SLC4A1: variants seen among roughly 807,000 people sequenced by gnomAD.
SLC4A1 encodes the protein band 3 anion transport protein.
SLC4A1 carries 29 observed loss-of-function variants against 93.1 expected under a neutral mutation model. The ratio of observed to expected loss-of-function variants is 0.31; its 90% CI spans 0.23 to 0.42. The LOEUF is 0.42. SLC4A1 is among the 20% of genes least tolerant of loss of function. SLC4A1 has a pLI of 1.00. For missense variants in SLC4A1, 965 were observed against 1,190.1 expected (o/e 0.81, Z 2.78); for synonymous variants, 469 against 497.2 (o/e 0.94, Z 0.76).
Position 44,262,869 on chromosome 17 carries a change from C to A in SLC4A1, c.-3G>T, listed in dbSNP as rs372104017. 2 of 1,614,150 alleles carry A rather than the reference C, an allele frequency of 1.2e-6. No individual in the cohort carries two copies. The highest frequency in any genetic ancestry group is 8.5e-7 in the Non-Finnish European group (1 of 1,180,018). On this transcript the variant is annotated 5_prime_UTR_variant, in exon 2 of 20. Coordinates refer to ENST00000262418, the MANE Select transcript of SLC4A1 (RefSeq NM_000342.4). Reference sequence around the variant, plus strand: ...ACACCCACCTGCAGCTCCTCCATGGCGTGGTCCTGAGTGTCCAGTTGTCTA... The same window carrying A: ...ACACCCACCTGCAGCTCCTCCATGGAGTGGTCCTGAGTGTCCAGTTGTCTA...
chr17:44,265,947 T>A (rs1427842178), intron 1 of SLC4A1, among the ~76,000 whole-genome samples: 4 of 146,176 alleles, frequency 2.7e-5, no homozygotes, highest in Admixed American at 1.4e-4. Flanking sequence ...GCCACTGCAC[T>A]CCAGCCTGGG....
Position 44,255,747 on chromosome 17 carries a change from C to T in SLC4A1, c.1726G>A (p.Val576Met), listed in dbSNP as rs1406322619. 5.0e-6 allele frequency: 8 copies of T among 1,613,954 alleles called. No homozygotes were observed. Among genetic ancestry groups the T allele is most frequent in the Non-Finnish European group, 6.8e-6 (8 of 1,180,030 alleles). The change falls in exon 14 of 20, where the codon GTG becomes ATG. Residue 576 changes from valine (V) to methionine (M), a missense_variant. By Grantham distance (21) the Val-to-Met change is conservative. Transcript: ENST00000262418. The stretch of plus-strand genomic sequence containing the variant: ...AAGAAGAAGGTACCGGCCATGAGCA[C>T]AAGGGAGAGGAGGGCTGTGTTGGGC... ...PLPNTALLSL[V>M]LMAGTFFFAM...
chr17:44,262,959 T>C (rs1056358539), intron 1 of SLC4A1, 25 bp from the exon 2 acceptor site: 7 of 1,604,026 alleles, frequency 4.4e-6, no homozygotes, highest in Non-Finnish European at 6.0e-6. Context: ...ACAGGCTGAG[T>C]GGGGCACAGG....
rs150542567 is a variant in SLC4A1 at position 44,267,743 on chromosome 17, A to C, written c.-69+311T>G. On this transcript the variant is annotated intron_variant, in intron 1 of 19. Coordinates refer to ENST00000262418, the MANE Select transcript of SLC4A1 (RefSeq NM_000342.4). ...AGGAGTCTGGGGTGGACAAGACCTG[A>C]CCCTGTGGGATCCAACAAGCTGACA... 1.4e-4 allele frequency among the ~76,000 whole-genome samples: 21 copies of C among 152,086 alleles called. No individual in the cohort carries two copies. The East Asian group carries it at 4.1e-3, about 29-fold the overall frequency.
intron 11 of SLC4A1, 76 bp from the exon 12 acceptor site, chr17:44,257,883 C>CT: frequency 4.4e-6 from 7 of 1,608,204 alleles, no homozygotes; most frequent in Non-Finnish European, 6.0e-6. Flanking sequence ...CATGGTCAGG[C>CT]TGATGCAGGG....
rs962883678 is a variant in SLC4A1, at chr17:44,249,573, AT to A, written c.*884del. On this transcript the variant is annotated 3_prime_UTR_variant, in exon 20 of 20. Coordinates refer to ENST00000262418, the MANE Select transcript of SLC4A1 (RefSeq NM_000342.4). ...GTCTCAGTCCCCTCGGAGTCCACTG[AT>A]TCCGGGGCCCTCAGTAAATGTTTGT... 8 of 177,572 alleles carry A rather than the reference AT, an allele frequency of 4.5e-5. No individual in the cohort carries two copies. Among genetic ancestry groups the A allele is most frequent in the Admixed American group, 4.3e-4 (7 of 16,280 alleles). 11.0% of individuals were successfully genotyped at this position (177,572 alleles called of 1,614,324 possible). A position where few individuals can be genotyped will look rare whatever the true frequency, so the allele number is the denominator to read the frequency against.
intron 15 of SLC4A1, 36 bp downstream of exon 15, chr17:44,255,171 G>T: frequency 7.0e-7 from 1 of 1,429,936 alleles, no homozygotes; most frequent in South Asian, 1.2e-5. Context: ...AGGACCTGGG[G>T]GGTATCATGG....
intron 9 of SLC4A1, 109 bp downstream of exon 9, chr17:44,259,054 G>T: frequency 8.7e-7 from 1 of 1,149,754 alleles, no homozygotes; most frequent in Non-Finnish European, 1.3e-6. Flanking sequence ...TAGGCTGAAT[G>T]GGTCAAACCA....
intron 3 of SLC4A1, chr17:44,261,985 C>T: frequency 8.3e-7 from 1 of 1,210,634 alleles, no homozygotes; most frequent in Non-Finnish European, 1.0e-6. Flanking sequence ...CCTCCTCCCT[C>T]CCCTGCCACC....
rs1252451973 is a variant in SLC4A1 at position 44,254,486 on chromosome 17, T to C, written c.2057+10A>G. On this transcript the variant is annotated intron_variant, in intron 16 of 19. Transcript: ENST00000262418. ...ACCCTCCCAGGCCCAGCCCCCACCCTGTCTCTCACGTGGTGATCTGAGACT... is the reference window on the plus strand; with the variant it reads ...ACCCTCCCAGGCCCAGCCCCCACCCCGTCTCTCACGTGGTGATCTGAGACT... 2.8e-6 allele frequency: 2 copies of C among 722,126 alleles called. No individual in the cohort carries two copies. The highest frequency in any genetic ancestry group is 4.7e-6 in the Non-Finnish European group (2 of 423,788). The allele number at this position is 722,126 out of a possible 1,614,324, so 44.7% of individuals were successfully genotyped here.
At chr17:44,264,189 G>A (rs780680749) in intron 1 of SLC4A1, among the ~76,000 whole-genome samples, 2 of 152,142 alleles carry the variant, frequency 1.3e-5, no homozygotes, top group Non-Finnish European at 2.9e-5. Context: ...GTTGGGCGTG[G>A]TGGCTCACAC....
intron 9 of SLC4A1, 62 bp downstream of exon 9, chr17:44,259,101 G>A (rs910068896): frequency 1.3e-6 from 2 of 1,551,768 alleles, no homozygotes; most frequent in Admixed American, 1.7e-5. Context: ...TTGGAGAGCA[G>A]GCCTCAGCCA....
Position 44,258,677 on chromosome 17 carries a change from C to A in SLC4A1, c.877-54G>T. On this transcript the variant is annotated intron_variant, in intron 9 of 19. Transcript: ENST00000262418. This position sits in a 1 kb window ranked among gnomAD's most constrained non-coding sequence, Gnocchi z 6.1. Reference sequence around the variant, plus strand: ...CCCGGACCTGCGGAGGGAAAGGACCCAGGAGTCCACAGCCAGGGCCTCCAG... The same window carrying A: ...CCCGGACCTGCGGAGGGAAAGGACCAAGGAGTCCACAGCCAGGGCCTCCAG... 6.6e-7 allele frequency: 1 copy of A among 1,519,612 alleles called. No individual in the cohort carries two copies. The highest frequency in any genetic ancestry group is 8.9e-7 in the Non-Finnish European group (1 of 1,120,222). The allele number at this position is 1,519,612 out of a possible 1,614,324, so 94.1% of individuals were successfully genotyped here. A position where few individuals can be genotyped will look rare whatever the true frequency, so the allele number is the denominator to read the frequency against.
intron 16 of SLC4A1, among the ~76,000 whole-genome samples, chr17:44,254,011 G>C (rs368170246): frequency 8.5e-6 from 1 of 117,226 alleles, no homozygotes; most frequent in Non-Finnish European, 1.6e-5. Context: ...TTTCACTCTC[G>C]TTGCCCAAGT....
intron 1 of SLC4A1, among the ~76,000 whole-genome samples, chr17:44,263,167 CA>C (rs2047462062): frequency 6.6e-6 from 1 of 152,274 alleles, no homozygotes; most frequent in African/African-American, 2.4e-5. Flanking sequence ...TGGCTGGCAC[CA>C]GCGAAGGATG....
At position 44,250,228 on chromosome 17, in the gene SLC4A1, C is replaced by A; in HGVS notation, c.*230G>T. On this transcript the variant is annotated 3_prime_UTR_variant, in exon 20 of 20. Coordinates refer to ENST00000262418, the MANE Select transcript of SLC4A1 (RefSeq NM_000342.4). ...AAGTGTGGCAACAGGAGGGACTGTG[C>A]AACAAACCCCCTAATGTGGGCCCCA... 1 of 530,992 alleles carries A rather than the reference C, an allele frequency of 1.9e-6. No individual in the cohort carries two copies. The highest frequency in any genetic ancestry group is 3.4e-6 in the Non-Finnish European group (1 of 290,466). 32.9% of individuals were successfully genotyped at this position (530,992 alleles called of 1,614,324 possible). A position where few individuals can be genotyped will look rare whatever the true frequency, so the allele number is the denominator to read the frequency against.
intron 16 of SLC4A1, among the ~76,000 whole-genome samples, chr17:44,253,911 C>T (rs1049375447): frequency 7.3e-5 from 11 of 150,928 alleles, no homozygotes; most frequent in Admixed American, 5.3e-4. Context: ...ACCTCGTGAT[C>T]CCCCCGTCTT....
In SLC4A1 at chr17:44,262,938, C is replaced by A. The variant is rs2047460113; in HGVS notation, c.-68-4G>T. On this transcript the variant is annotated splice_region_variant and splice_polypyrimidine_tract_variant and intron_variant, in intron 1 of 19. Transcript: ENST00000262418. ...GCATAACCCGCACCGCGGGTCCCTG[C>A]AGCAGAGGGCACAGGCTGAGTGGGG... The A allele has an allele frequency of 3.1e-6, 5 of 1,611,378 alleles. No homozygotes were observed. The highest frequency in any genetic ancestry group is 2.7e-5 in the African/African-American group (2 of 74,876).
At position 44,257,674 on chromosome 17, in the gene SLC4A1, C is replaced by T; in HGVS notation, c.1416G>A (p.Glu472=). 6.2e-7 allele frequency: 1 copy of T among 1,613,796 alleles called. No homozygotes were observed. The highest frequency in any genetic ancestry group is 1.3e-5 in the African/African-American group (1 of 75,020). ...ACAGAACTACCGAGAAGAAGGCTTC[C>T]TCAAACACCAGCAGGGGTCCTGAGA... ...VGFSGPLLVF[E]EAFFSFCETN... The change falls in exon 12 of 20, where the codon GAG becomes GAA. Residue 472 remains glutamate, a synonymous_variant. Transcript: ENST00000262418.
Sources: gnomAD v4.1 joint callset for allele counts (sites outside exome capture counted in the v4.1 genomes callset) on GRCh38, gnomAD v4.1.1 for gene constraint, Gnocchi (gnomAD v3.1) non-coding constraint, MANE v1.5 for transcripts, NCBI Gene and HGNC (gene_info 2026-07-23, HGNC 2026-07-21) for gene names.